SH3KBP1: variants seen among roughly 807,000 people sequenced by gnomAD.
SH3KBP1 encodes the protein SH3 domain-containing kinase-binding protein 1.
SH3KBP1 carries 8 observed loss-of-function variants against 50.1 expected under a neutral mutation model. The ratio of observed to expected loss-of-function variants is 0.16; its 90% CI spans 0.09 to 0.29. The LOEUF (loss-of-function observed/expected upper bound fraction) is 0.29. SH3KBP1 is among the 10% of genes least tolerant of loss of function. The pLI is 1.00. For synonymous variants in SH3KBP1, 227 were observed against 218.6 expected (o/e 1.04, Z -0.34); for missense variants, 377 against 535.2 (o/e 0.70, Z 2.92).
At chrX:19,612,197 G>T (rs2067450791) in intron 8 of SH3KBP1, among the ~76,000 whole-genome samples, 1 of 111,549 alleles carries the variant, frequency 9.0e-6, no homozygotes, top group South Asian at 3.7e-4. Flanking sequence ...GTCTTTTGAT[G>T]GCAGAGATGA....
intron 6 of SH3KBP1, among the ~76,000 whole-genome samples, chrX:19,651,387 G>GA (rs1295944974): frequency 3.6e-5 from 4 of 111,033 alleles, no homozygotes; most frequent in Admixed American, 1.9e-4. Flanking sequence ...TCCGGTAAAA[G>GA]AAAAAAAACT....
chrX:19,607,951 T>C lies in SH3KBP1; in HGVS notation c.992A>G (p.Glu331Gly). The C allele has an allele frequency of 8.3e-7, 1 of 1,209,160 alleles. No homozygotes were observed. Among genetic ancestry groups the C allele is most frequent in the Non-Finnish European group, 1.1e-6 (1 of 893,329 alleles). Residue 331 changes from glutamate to glycine, a missense_variant, in exon 9 of 18, where the codon GAA becomes GGA. By Grantham distance (98) the Glu-to-Gly change is moderately conservative. Around this residue, in one of 3 missense-constraint regions of SH3KBP1, gnomAD observed 257 missense variants for 374.2 expected, o/e 0.69. Coordinates refer to ENST00000397821, the MANE Select transcript of SH3KBP1 (RefSeq NM_031892.3). ...NFVKLLPPDF[E>G]KEGNRPKKPP... is the part of the protein sequence containing the mutation. ...AAGGAGACTTACATTCCCTTCCTTT[T>C]CAAAGTCCGGTGGAAGTAACTTCAC...
chrX:19,776,560 T>TTTTTTTTTA (rs1491405168), intron 2 of SH3KBP1, among the ~76,000 whole-genome samples: 1 of 64,363 alleles, frequency 1.6e-5, no homozygotes, highest in African/African-American at 6.0e-5. Context: ...TTTTTTTTTT[T>TTTTTTTTTA]AGAGAGAGAC....
At chrX:19,657,206 A>C (rs904496075) in intron 6 of SH3KBP1, among the ~76,000 whole-genome samples, 2 of 108,867 alleles carry the variant, frequency 1.8e-5, no homozygotes, top group Non-Finnish European at 1.9e-5. Flanking sequence ...GTAAGACCTT[A>C]TCTCTACTAA....
chrX:19,880,688 C>G (rs1412546345), intron 1 of SH3KBP1, among the ~76,000 whole-genome samples: 1 of 112,078 alleles, frequency 8.9e-6, no homozygotes, highest in African/African-American at 3.2e-5. Flanking sequence ...ATGTTCCCTT[C>G]CATGGCAACA....
chrX:19,726,685 G>A (rs985151213), intron 3 of SH3KBP1, among the ~76,000 whole-genome samples: 2 of 111,200 alleles, frequency 1.8e-5, no homozygotes, highest in African/African-American at 6.6e-5. Flanking sequence ...TTGACACAGC[G>A]CAAGTCCTCA....
intron 2 of SH3KBP1, among the ~76,000 whole-genome samples, chrX:19,829,515 G>A (rs1377983841): frequency 1.8e-5 from 2 of 109,087 alleles, no homozygotes; most frequent in African/African-American, 3.3e-5. Flanking sequence ...TTGGGAGGCC[G>A]AGGCAGGCGG....
intron 6 of SH3KBP1, among the ~76,000 whole-genome samples, chrX:19,668,966 A>T (rs867466987): frequency 3.8e-5 from 2 of 52,550 alleles, no homozygotes; most frequent in African/African-American, 2.2e-4. Flanking sequence ...ATATATATAT[A>T]TATATATATT....
At chrX:19,683,308 G>T (rs771379927) in intron 6 of SH3KBP1, 1 of 367,304 alleles carries the variant, frequency 2.7e-6, no homozygotes, top group Non-Finnish European at 5.3e-6. Flanking sequence ...CACAGCACAG[G>T]CCATCTCCAT....
chrX:19,744,587 C>T (rs2064865689), intron 3 of SH3KBP1, among the ~76,000 whole-genome samples: 1 of 111,949 alleles, frequency 8.9e-6, no homozygotes. Context: ...TACTCAGGTC[C>T]CACAACCACC....
chrX:19,805,823 TAAAAATTTG>T (rs1355623206), intron 2 of SH3KBP1, among the ~76,000 whole-genome samples: 1 of 111,650 alleles, frequency 9.0e-6, no homozygotes, highest in Non-Finnish European at 1.9e-5. Context: ...AAGTGCTATA[TAAAAATTTG>T]CTGTTTGCTG....
In SH3KBP1 at chrX:19,817,564, C is replaced by T. The variant is rs73193558; in HGVS notation, c.162+18561G>A. ...TTTTGTCAATAATAGACAACATATA[C>T]GTCAATGGTCCCCATAAGATTATAA... On this transcript the variant is annotated intron_variant, in intron 2 of 17. Coordinates refer to ENST00000397821, the MANE Select transcript of SH3KBP1 (RefSeq NM_031892.3). 6.1e-4 allele frequency among the ~76,000 whole-genome samples: 69 copies of T among 112,319 alleles called. No homozygotes were observed. The Middle Eastern group carries it at 0.014, about 23-fold the overall frequency.
chrX:19,611,643 C>T (rs1278703703), intron 8 of SH3KBP1, among the ~76,000 whole-genome samples: 1 of 111,562 alleles, frequency 9.0e-6, no homozygotes, highest in South Asian at 3.8e-4. Flanking sequence ...TGTGAGCCAC[C>T]GAGCCCGGCC....
At chrX:19,651,233 G>A (rs1380756340) in intron 6 of SH3KBP1, among the ~76,000 whole-genome samples, 3 of 110,409 alleles carry the variant, frequency 2.7e-5, no homozygotes, top group East Asian at 2.8e-4. Context: ...GTGCTTCCCC[G>A]GAAGCTTTTC....
chrX:19,831,793 A>AC (rs2147402548), intron 2 of SH3KBP1, among the ~76,000 whole-genome samples: 1 of 105,748 alleles, frequency 9.5e-6, no homozygotes, highest in African/African-American at 3.5e-5. Flanking sequence ...CTCCATCCCA[A>AC]AAAAAAAAAA....
chrX:19,693,400 G>A (rs1480518776), intron 5 of SH3KBP1, among the ~76,000 whole-genome samples: 2 of 111,745 alleles, frequency 1.8e-5, no homozygotes, highest in Non-Finnish European at 3.8e-5. Context: ...GGAGAGATGG[G>A]CCCTCTTTTC....
intron 1 of SH3KBP1, among the ~76,000 whole-genome samples, chrX:19,858,611 C>G (rs958401957): frequency 8.9e-6 from 1 of 112,193 alleles, no homozygotes; most frequent in Non-Finnish European, 1.9e-5. Flanking sequence ...CTGGGCAACA[C>G]AGCAAAGCCC....
In SH3KBP1 at chrX:19,829,475, G is replaced by A. The variant is rs1392565079; in HGVS notation, c.162+6650C>T. On this transcript the variant is annotated intron_variant, in intron 2 of 17. Coordinates refer to ENST00000397821, the MANE Select transcript of SH3KBP1 (RefSeq NM_031892.3). ...TATTAAGAAAGTAAAGGGGCTGGGC[G>A]CAGTGGCTCATGCCTGTAATCCCAG... 4.6e-5 allele frequency among the ~76,000 whole-genome samples: 5 copies of A among 108,813 alleles called. No individual in the cohort carries two copies. The South Asian group carries it at 1.2e-3, about 26-fold the overall frequency. 94.5% of individuals were successfully genotyped at this position (108,813 alleles called of 115,157 possible). A position where few individuals can be genotyped will look rare whatever the true frequency, so the allele number is the denominator to read the frequency against.
intron 9 of SH3KBP1, among the ~76,000 whole-genome samples, chrX:19,607,728 A>G (rs1232122604): frequency 8.9e-6 from 1 of 112,247 alleles, no homozygotes; most frequent in East Asian, 2.8e-4. Flanking sequence ...TATGTATGCA[A>G]CAACCGCAGA....
Sources: allele counts gnomAD v4.1 joint callset (sites outside exome capture counted in the v4.1 genomes callset), GRCh38; gene constraint gnomAD v4.1.1; regional missense constraint gnomAD v4.1.1; transcripts MANE v1.5; gene names NCBI Gene and HGNC (gene_info 2026-07-23, HGNC 2026-07-21).